RB1CC1: variants seen among roughly 807,000 people sequenced by gnomAD.
RB1CC1 encodes RB1-inducible coiled-coil protein 1.
A neutral mutation model predicts 177.5 loss-of-function variants in RB1CC1; 46 were observed. That is an observed-to-expected ratio of 0.26 (90% CI 0.20 to 0.33). RB1CC1 has a LOEUF of 0.33. Ranked by LOEUF, RB1CC1 falls within the 10% of genes least tolerant of loss-of-function variation. The pLI is 1.00. For missense variants in RB1CC1, 1,703 were observed against 1,816.3 expected (o/e 0.94, Z 1.13); for synonymous variants, 666 against 613.6 (o/e 1.09, Z -1.26).
At chr8:52,694,458 G>A (rs1326730693) in intron 1 of RB1CC1, among the ~76,000 whole-genome samples, 2 of 152,160 alleles carry the variant, frequency 1.3e-5, no homozygotes, top group Admixed American at 6.5e-5. Flanking sequence ...GGCTCATCCC[G>A]GACAAACGGG....
chr8:52,689,046 C>CT (rs1469331300), intron 1 of RB1CC1, among the ~76,000 whole-genome samples: 2 of 152,176 alleles, frequency 1.3e-5, no homozygotes, highest in Non-Finnish European at 2.9e-5. Context: ...CCCATAGCTG[C>CT]TGCTACCACC....
chr8:52,629,676 G>A (rs1368754519), intron 21 of RB1CC1, among the ~76,000 whole-genome samples: 1 of 152,166 alleles, frequency 6.6e-6, no homozygotes, highest in Non-Finnish European at 1.5e-5. Flanking sequence ...TATCTGTCAA[G>A]CCTGCTACCT....
intron 16 of RB1CC1, among the ~76,000 whole-genome samples, chr8:52,644,255 A>G (rs1849813957): frequency 6.6e-6 from 1 of 152,170 alleles, no homozygotes; most frequent in Non-Finnish European, 1.5e-5. Context: ...ATACAACTTA[A>G]CATACACATC....
intron 15 of RB1CC1, among the ~76,000 whole-genome samples, chr8:52,654,925 G>A (rs968245827): frequency 6.6e-6 from 1 of 152,040 alleles, no homozygotes; most frequent in Non-Finnish European, 1.5e-5. Context: ...ACTTGTTCAT[G>A]CTGTATTCAG....
intron 8 of RB1CC1, 23 bp from the exon 9 acceptor site, chr8:52,661,742 A>G: frequency 6.6e-7 from 1 of 1,505,718 alleles, no homozygotes; most frequent in Non-Finnish European, 8.9e-7. Flanking sequence ...AAATGTTTCA[A>G]AGGACATTAA....
chr8:52,696,064 G>T (rs1042932717), intron 1 of RB1CC1, among the ~76,000 whole-genome samples: 2 of 152,090 alleles, frequency 1.3e-5, no homozygotes, highest in Non-Finnish European at 2.9e-5. Context: ...TTGTTTTTCA[G>T]ACGGAGTCTT....
At chr8:52,687,909 ATGT>A (rs1854416764) in intron 1 of RB1CC1, among the ~76,000 whole-genome samples, 2 of 152,198 alleles carry the variant, frequency 1.3e-5, no homozygotes, top group Admixed American at 6.5e-5. Flanking sequence ...TATTAGGAGG[ATGT>A]TGTTGTGGGA....
chr8:52,689,137 C>T (rs1854577205), intron 1 of RB1CC1, among the ~76,000 whole-genome samples: 1 of 152,048 alleles, frequency 6.6e-6, no homozygotes, highest in African/African-American at 2.4e-5. Flanking sequence ...AATCAATCTC[C>T]TATATGCATT....
chr8:52,686,041 T>C (rs1854249998), intron 2 of RB1CC1: 1 of 152,300 alleles, frequency 6.6e-6, no homozygotes, highest in African/African-American at 2.4e-5. Context: ...AAATCCTCCA[T>C]AATAGTTCCA....
Position 52,657,688 on chromosome 8 carries a change from A to ATAGTCT in RB1CC1, c.2135_2140dup (p.Thr713_Ile714insLysThr). 6.2e-7 allele frequency: 1 copy of ATAGTCT among 1,614,152 alleles called. No individual in the cohort carries two copies. The highest frequency in any genetic ancestry group is 8.5e-7 in the Non-Finnish European group (1 of 1,179,980). The stretch of plus-strand genomic sequence containing the variant: ...ATCCAAGTCTAAAGAAACTTGGTGA[A>ATAGTCT]TAGTCTGTTCTATGTTTGGATGGGG... On this transcript the variant is annotated inframe_insertion, in exon 15 of 24. Coordinates refer to ENST00000025008, the MANE Select transcript of RB1CC1 (RefSeq NM_014781.5).
At chr8:52,679,975 C>T in intron 5 of RB1CC1, among the ~76,000 whole-genome samples, 1 of 152,074 alleles carries the variant, frequency 6.6e-6, no homozygotes, top group East Asian at 1.9e-4. Context: ...CATATAGATT[C>T]TGCTTCTAAC....
At position 52,656,677 on chromosome 8, in the gene RB1CC1, G is replaced by C; in HGVS notation, c.3152C>G (p.Ser1051Cys). The change falls in exon 15 of 24, where the codon TCT (serine) becomes TGT (cysteine). Residue 1051 changes from serine (S) to cysteine (C), a missense_variant. By Grantham distance (112) the Ser-to-Cys change is moderately radical (BLOSUM62 -1). Coordinates refer to ENST00000025008, the MANE Select transcript of RB1CC1 (RefSeq NM_014781.5). ...CTTGCATCTCGTGTCTGACAAATCA[G>C]AAACCTTGAGTTTTAATTCCTGTAA... ...KQLQELKLKVSDLSDTRCKLE... is the reference protein window; with the variant it reads ...KQLQELKLKVCDLSDTRCKLE... 6.2e-7 allele frequency: 1 copy of C among 1,613,882 alleles called. No individual in the cohort carries two copies. The highest frequency in any genetic ancestry group is 8.5e-7 in the Non-Finnish European group (1 of 1,179,906).
intron 18 of RB1CC1, among the ~76,000 whole-genome samples, chr8:52,640,597 T>C (rs949093519): frequency 1.3e-5 from 2 of 152,188 alleles, no homozygotes; most frequent in African/African-American, 4.8e-5. Flanking sequence ...TAGTAAACTT[T>C]CTGTATCATT....
Position 52,623,205 on chromosome 8 carries a change from T to A in RB1CC1, c.*577A>T, listed in dbSNP as rs891593929. The A allele has an allele frequency of 7.2e-5, 5 of 69,182 alleles. No homozygotes were observed. Among genetic ancestry groups the A allele is most frequent in the Non-Finnish European group, 2.9e-5 (1 of 34,986 alleles). 4.3% of individuals were successfully genotyped at this position (69,182 alleles called of 1,614,324 possible). A position where few individuals can be genotyped will look rare whatever the true frequency, so the allele number is the denominator to read the frequency against. ...AATCAGTCAATCAAATTACAGTTCC[T>A]TTTTTTTTTTGAAACATCAAAGGGC... On this transcript the variant is annotated 3_prime_UTR_variant, in exon 24 of 24. Coordinates refer to ENST00000025008, the MANE Select transcript of RB1CC1 (RefSeq NM_014781.5).
Position 52,642,547 on chromosome 8 carries a change from C to G in RB1CC1, c.4141G>C (p.Glu1381Gln). The G allele has an allele frequency of 6.2e-7, 1 of 1,613,988 alleles. No individual in the cohort carries two copies. The highest frequency in any genetic ancestry group is 8.5e-7 in the Non-Finnish European group (1 of 1,179,976). ...LSEDRARLLE[E>Q]KKKLEEEVSK... ...ACTTCTTCTTCAAGCTTTTTCTTTT[C>G]CTCAAGCAAACGAGCTCGATCTTCA... Residue 1381 changes from glutamate to glutamine, a missense_variant, in exon 18 of 24, where the codon GAA becomes CAA. By Grantham distance (29) the Glu-to-Gln change is conservative. Coordinates refer to ENST00000025008, the MANE Select transcript of RB1CC1 (RefSeq NM_014781.5).
intron 21 of RB1CC1, 123 bp downstream of exon 21, chr8:52,630,347 A>G: frequency 8.6e-7 from 1 of 1,168,292 alleles, no homozygotes; most frequent in South Asian, 1.8e-5. Flanking sequence ...TTTTACTACT[A>G]CTGAGTGCAA....
intron 22 of RB1CC1, among the ~76,000 whole-genome samples, chr8:52,626,998 T>C (rs1029139412): frequency 1.3e-5 from 2 of 152,020 alleles, no homozygotes; most frequent in Non-Finnish European, 2.9e-5. Context: ...AAGGCTACAG[T>C]GACCAATGAT....
At chr8:52,711,768 T>C (rs1857080638) in intron 1 of RB1CC1, among the ~76,000 whole-genome samples, 1 of 152,226 alleles carries the variant, frequency 6.6e-6, no homozygotes, top group Admixed American at 6.5e-5. Flanking sequence ...AGCCCCACAA[T>C]CTACCATTAC....
chr8:52,671,090 A>G (rs914893567), intron 7 of RB1CC1, among the ~76,000 whole-genome samples: 1 of 152,238 alleles, frequency 6.6e-6, no homozygotes, highest in African/African-American at 2.4e-5. Flanking sequence ...CAAAACTAGC[A>G]TCTCTTAATC....
Sources: allele counts gnomAD v4.1 joint callset (sites outside exome capture counted in the v4.1 genomes callset), GRCh38; gene constraint gnomAD v4.1.1; transcripts MANE v1.5; gene names NCBI Gene and HGNC (gene_info 2026-07-23, HGNC 2026-07-21).